Variants in CCDC7 observed in about 807,000 individuals in gnomAD.
CCDC7 encodes the protein coiled-coil domain-containing protein 7.
Under a neutral mutation model 196.9 loss-of-function variants are expected in CCDC7, and 183 were observed. That is an observed-to-expected ratio of 0.93 (90% CI 0.82 to 1.05). CCDC7 has a LOEUF of 1.05. Among genes scored for constraint, CCDC7 ranks in the 50% least tolerant of loss-of-function variants. The probability of loss-of-function intolerance (pLI) is 0.00; values close to 1 mark genes in which losing one functional copy is unlikely to be tolerated. For missense variants in CCDC7, 1,540 were observed against 1,482.2 expected, an observed-to-expected ratio of 1.04 and a Z score of -0.64; for synonymous variants, 525 against 484.6, an observed-to-expected ratio of 1.08 and a Z score of -1.10.
intron 39 of CCDC7, among the ~76,000 whole-genome samples, chr10:32,849,559 T>A (rs2093455363): frequency 1.3e-5 from 2 of 151,554 alleles, no homozygotes; most frequent in Admixed American, 1.3e-4. Context: ...AAAAATTAGC[T>A]GGGCATGGTG....
intron 29 of CCDC7, among the ~76,000 whole-genome samples, chr10:32,780,420 T>C (rs192348130): frequency 4.7e-4 from 72 of 152,284 alleles, no homozygotes; most frequent in Admixed American, 4.3e-3. Flanking sequence ...AAGACAAATA[T>C]ATAAAAATAA....
At chr10:32,632,616 C>T (rs78886536) in intron 18 of CCDC7, among the ~76,000 whole-genome samples, 6,464 of 152,038 alleles carry the variant, frequency 0.043, 463 homozygotes, top group African/African-American at 0.15. Flanking sequence ...AGCTGCATCC[C>T]ATAGTTTTCA....
At chr10:32,471,029 A>G (rs376908220) in intron 5 of CCDC7, 35 bp from the exon 7 acceptor site, 4 of 1,517,284 alleles carry the variant, frequency 2.6e-6, no homozygotes, top group Non-Finnish European at 3.5e-6. Context: ...CAAAATGGGT[A>G]TTTACTAAAT....
At chr10:32,874,752 C>CCA (rs749612209) in intron 41 of CCDC7, among the ~76,000 whole-genome samples, 1 of 49,404 alleles carries the variant, frequency 2.0e-5, no homozygotes, top group Non-Finnish European at 5.4e-5. Context: ...ACCAACATAT[C>CCA]TACACACACA....
chr10:32,662,749 G>A (rs1184298642), intron 20 of CCDC7, among the ~76,000 whole-genome samples: 2 of 152,160 alleles, frequency 1.3e-5, no homozygotes, highest in African/African-American at 4.8e-5. Context: ...TTTCAGTTAA[G>A]ATCTGGATTG....
intron 29 of CCDC7, among the ~76,000 whole-genome samples, chr10:32,797,797 C>T (rs554396461): frequency 3.9e-5 from 6 of 152,230 alleles, no homozygotes; most frequent in East Asian, 3.9e-4. Context: ...TATGGGGGAA[C>T]GAGTACCACA....
At chr10:32,788,711 C>A (rs560470570) in intron 29 of CCDC7, among the ~76,000 whole-genome samples, 47 of 152,328 alleles carry the variant, frequency 3.1e-4, no homozygotes, top group African/African-American at 1.1e-3. Context: ...CTCATCCAAG[C>A]ACCTAGCTGT....
chr10:32,814,525 A>G (rs1370679317), intron 31 of CCDC7, 72 bp downstream of exon 32: 3 of 1,065,454 alleles, frequency 2.8e-6, no homozygotes, highest in East Asian at 2.4e-5. Context: ...CTAAGTGTGC[A>G]TCTTTAAGGA....
chr10:32,662,612 A>T (rs1371931243), intron 20 of CCDC7, among the ~76,000 whole-genome samples: 1 of 152,134 alleles, frequency 6.6e-6, no homozygotes, highest in African/African-American at 2.4e-5. Flanking sequence ...AGAGCCATAG[A>T]TGTCTTTGAG....
At chr10:32,505,168 TTTTATTTA>T (rs151121071) in intron 9 of CCDC7, among the ~76,000 whole-genome samples, 22 of 150,966 alleles carry the variant, frequency 1.5e-4, no homozygotes, top group African/African-American at 2.9e-4. Context: ...CCCAGCTAAT[TTTTATTTA>T]TTTATTTATT....
chr10:32,468,398 A>G (rs1162886152), intron 5 of CCDC7, among the ~76,000 whole-genome samples: 3 of 152,114 alleles, frequency 2.0e-5, no homozygotes, highest in Non-Finnish European at 2.9e-5. Flanking sequence ...TTGTTGATGT[A>G]TAGGAATGCT....
At chr10:32,478,926 C>T (rs1421452056) in intron 8 of CCDC7, among the ~76,000 whole-genome samples, 5 of 152,082 alleles carry the variant, frequency 3.3e-5, no homozygotes, top group Admixed American at 1.3e-4. Context: ...GTGAAACCAT[C>T]TGAGCATAGT....
At chr10:32,701,626 G>C (rs2078741789) in intron 24 of CCDC7, among the ~76,000 whole-genome samples, 1 of 152,120 alleles carries the variant, frequency 6.6e-6, no homozygotes, top group African/African-American at 2.4e-5. Flanking sequence ...GGTAGAATTC[G>C]GCTGTGAATC....
chr10:32,881,966 G>C (rs891093647), downstream of CCDC7, among the ~76,000 whole-genome samples: 4 of 152,136 alleles, frequency 2.6e-5, no homozygotes, highest in African/African-American at 7.2e-5. Context: ...ATAAGCAACA[G>C]ATAAAGGGTG....
intron 15 of CCDC7, among the ~76,000 whole-genome samples, chr10:32,569,012 A>G (rs998552943): frequency 1.3e-5 from 2 of 152,226 alleles, no homozygotes; most frequent in Admixed American, 6.5e-5. Flanking sequence ...GTTTTCATAT[A>G]TGACAGAAAA....
At chr10:32,646,690 G>A (rs907341405) in intron 20 of CCDC7, among the ~76,000 whole-genome samples, 1 of 152,112 alleles carries the variant, frequency 6.6e-6, no homozygotes. Flanking sequence ...CCATCACTTT[G>A]GTAGTAAGCA....
chr10:32,573,384 A>G (rs767787805), intron 16 of CCDC7, among the ~76,000 whole-genome samples: 34 of 152,206 alleles, frequency 2.2e-4, no homozygotes, highest in Non-Finnish European at 4.1e-4. Context: ...GGCTCTTTGT[A>G]CATTGGTAAA....
chr10:32,855,332 TCAGGCG>T (rs2093709318), intron 41 of CCDC7, among the ~76,000 whole-genome samples: 1 of 152,160 alleles, frequency 6.6e-6, no homozygotes, highest in South Asian at 2.1e-4. Flanking sequence ...TTAGGATGAT[TCAGGCG>T]CATTACATTT....
At chr10:32,506,004 A>G (rs1379194408) in intron 9 of CCDC7, among the ~76,000 whole-genome samples, 8 of 146,388 alleles carry the variant, frequency 5.5e-5, no homozygotes, top group Non-Finnish European at 1.5e-5. Flanking sequence ...GTGGCCAGGC[A>G]GAGGCGCTCC....
Sources: allele counts gnomAD v4.1 joint callset (sites outside exome capture counted in the v4.1 genomes callset), GRCh38; gene constraint gnomAD v4.1.1; transcripts MANE v1.5; gene names NCBI Gene and HGNC (gene_info 2026-07-23, HGNC 2026-07-21).